The following SAMMSON variants were observed in gnomAD, a reference collection of about 807,000 sequenced individuals.
SAMMSON encodes the protein survival associated mitochondrial melanoma specific oncogenic non-coding RNA.
intron 7 of SAMMSON, among the ~76,000 whole-genome samples, chr3:70,300,925 G>C (rs1401900637): frequency 6.6e-6 from 1 of 151,920 alleles, no homozygotes; most frequent in Non-Finnish European, 1.5e-5. Flanking sequence ...AAAAAGTCAA[G>C]AAAGCCGTTA....
Position 70,328,544 on chromosome 3 carries a change from G to A in SAMMSON, n.740-25631G>A, listed in dbSNP as rs576483313. On this transcript the variant is annotated intron_variant and non_coding_transcript_variant, in intron 7 of 9. Transcript: ENST00000642114. The stretch of plus-strand genomic sequence containing the variant: ...TAAGATGCAAAACAAAAATGAGTTG[G>A]ATAAGAAAGAACAGATTAAGGACTG... Among the ~76,000 whole-genome samples the A allele has an allele frequency of 5.9e-5, 9 of 152,216 alleles. No individual in the cohort carries two copies. The South Asian group carries it at 1.7e-3, about 28-fold the overall frequency.
At chr3:70,252,552 C>A (rs1376633624) in intron 6 of SAMMSON, among the ~76,000 whole-genome samples, 2 of 152,046 alleles carry the variant, frequency 1.3e-5, no homozygotes, top group Admixed American at 6.6e-5. Context: ...GCTAGGCAAA[C>A]AATATAAATC....
chr3:70,363,800 C>CTGTGTG (rs10542257), intron 9 of SAMMSON, among the ~76,000 whole-genome samples: 1 of 146,742 alleles, frequency 6.8e-6, no homozygotes, highest in Non-Finnish European at 1.5e-5. Flanking sequence ...ATTGCATTGT[C>CTGTGTG]TGTGTGTGTG....
At chr3:70,249,376 C>A (rs1015405004) in intron 5 of SAMMSON, among the ~76,000 whole-genome samples, 1 of 152,096 alleles carries the variant, frequency 6.6e-6, no homozygotes, top group African/African-American at 2.4e-5. Context: ...TCATATTGTG[C>A]AAATATGAGC....
At chr3:70,189,619 AAAT>A (rs1340918124) in intron 4 of SAMMSON, among the ~76,000 whole-genome samples, 3 of 152,196 alleles carry the variant, frequency 2.0e-5, no homozygotes, top group Admixed American at 6.5e-5. Context: ...AAAAGGTAAA[AAAT>A]ATGTTGGTTG....
At chr3:70,147,552 G>C (rs1351044576) in intron 4 of SAMMSON, among the ~76,000 whole-genome samples, 1 of 151,986 alleles carries the variant, frequency 6.6e-6, no homozygotes, top group East Asian at 1.9e-4. Context: ...CAATTCTTTG[G>C]AGAAAGCATA....
intron 1 of SAMMSON, among the ~76,000 whole-genome samples, chr3:70,011,875 CA>C (rs2066957573): frequency 6.6e-6 from 1 of 151,964 alleles, no homozygotes; most frequent in Non-Finnish European, 1.5e-5. Context: ...TTTGAAAACA[CA>C]AGTATTAAAG....
At chr3:70,067,895 A>G (rs1321740728) in intron 3 of SAMMSON, among the ~76,000 whole-genome samples, 1 of 152,108 alleles carries the variant, frequency 6.6e-6, no homozygotes, top group Non-Finnish European at 1.5e-5. Context: ...TGCTACTGTC[A>G]TTTCCAAATC....
At chr3:70,225,985 T>C (rs747446109) in intron 4 of SAMMSON, among the ~76,000 whole-genome samples, 1 of 152,170 alleles carries the variant, frequency 6.6e-6, no homozygotes, top group East Asian at 1.9e-4. Flanking sequence ...GGATGAGACA[T>C]ATTGCCTTAA....
At chr3:70,107,016 A>G (rs58550897) in intron 4 of SAMMSON, among the ~76,000 whole-genome samples, 1,948 of 152,326 alleles carry the variant, frequency 0.013, 46 homozygotes, top group African/African-American at 0.044. Context: ...GCTTCTGCAA[A>G]TATTGGACAC....
At position 70,100,348 on chromosome 3, in the gene SAMMSON, G is replaced by A. The variant is rs2067338961; in HGVS notation, n.507+28783G>A. ...TTTTTTGTAGAGACGAGGTTTCACT[G>A]TGTTGCTCAGGCTGGTCTCGAACTC... On this transcript the variant is annotated intron_variant and non_coding_transcript_variant, in intron 4 of 9. Coordinates refer to ENST00000642114, the Ensembl canonical transcript of SAMMSON. 3.3e-5 allele frequency among the ~76,000 whole-genome samples: 5 copies of A among 152,092 alleles called. No homozygotes were observed. In the South Asian group the frequency reaches 8.3e-4, roughly 25 times the overall value.
intron 7 of SAMMSON, among the ~76,000 whole-genome samples, chr3:70,303,482 A>G (rs1458404165): frequency 6.6e-6 from 1 of 152,194 alleles, no homozygotes; most frequent in Non-Finnish European, 1.5e-5. Context: ...TAGGCTCACC[A>G]GAACTAGATT....
At chr3:70,099,075 G>A (rs2067333339) in intron 4 of SAMMSON, among the ~76,000 whole-genome samples, 1 of 152,074 alleles carries the variant, frequency 6.6e-6, no homozygotes, top group African/African-American at 2.4e-5. Flanking sequence ...GCAATTTAAT[G>A]TTTCACTGTA....
intron 3 of SAMMSON, among the ~76,000 whole-genome samples, chr3:70,028,182 C>T (rs112333867): frequency 0.17 from 8,374 of 48,208 alleles, 282 homozygotes; most frequent in East Asian, 0.4. Context: ...TTCCTTCCTT[C>T]CTTCCTTTCT....
intron 3 of SAMMSON, among the ~76,000 whole-genome samples, chr3:70,033,898 G>A (rs547712739): frequency 1.3e-5 from 2 of 152,236 alleles, no homozygotes; most frequent in East Asian, 1.9e-4. Context: ...GTCAGAGGAT[G>A]GGGAAGGACA....
At chr3:70,309,517 T>A (rs1702436848) in intron 7 of SAMMSON, among the ~76,000 whole-genome samples, 1 of 152,148 alleles carries the variant, frequency 6.6e-6, no homozygotes, top group Non-Finnish European at 1.5e-5. Flanking sequence ...GCTAGGAAAT[T>A]GAGGCTCAGG....
chr3:70,043,580 C>T (rs370344179), intron 3 of SAMMSON, among the ~76,000 whole-genome samples: 1 of 152,064 alleles, frequency 6.6e-6, no homozygotes, highest in African/African-American at 2.4e-5. Flanking sequence ...TCTCCTTAAT[C>T]TCCACTGGGT....
At chr3:70,121,778 C>T (rs1457631034) in intron 4 of SAMMSON, among the ~76,000 whole-genome samples, 2 of 152,162 alleles carry the variant, frequency 1.3e-5, no homozygotes, top group East Asian at 3.9e-4. Context: ...AGTGACAGGG[C>T]AGGGACAAAG....
chr3:70,112,579 A>G (rs1422554385), intron 4 of SAMMSON, among the ~76,000 whole-genome samples: 2 of 152,142 alleles, frequency 1.3e-5, no homozygotes, highest in African/African-American at 4.8e-5. Context: ...TAGAAGAACA[A>G]TAGTTCACCC....
Sources: allele counts gnomAD v4.1 joint callset (sites outside exome capture counted in the v4.1 genomes callset), GRCh38; gene constraint gnomAD v4.1.1; transcripts MANE v1.5; gene names NCBI Gene and HGNC (gene_info 2026-07-23, HGNC 2026-07-21).